Variants in CTBP1 observed in about 807,000 individuals in gnomAD.
CTBP1 encodes the protein C-terminal binding protein 1.
In CTBP1, 11 loss-of-function variants were observed where a neutral mutation model predicts 42.1. The ratio of observed to expected loss-of-function variants is 0.26; its 90% CI spans 0.16 to 0.43. CTBP1 has a LOEUF of 0.43. Ranked by LOEUF, CTBP1 falls within the 20% of genes least tolerant of loss-of-function variation. The pLI, the probability that CTBP1 is intolerant of heterozygous loss-of-function variation, is 1.00. For synonymous variants in CTBP1, 324 were observed against 277.1 expected (o/e 1.17, Z -1.68); for missense variants, 399 against 624.3 (o/e 0.64, Z 3.85).
chr4:1,212,563 G>A lies in CTBP1; in HGVS notation c.1107-140C>T, dbSNP rs972526947. 1.5e-5 allele frequency: 12 copies of A among 774,920 alleles called. No individual in the cohort carries two copies. The African/African-American group carries it at 2.2e-4, about 14-fold the overall frequency. 48.0% of individuals were successfully genotyped at this position (774,920 alleles called of 1,614,324 possible). On this transcript the variant is annotated intron_variant, in intron 9 of 9. Transcript: ENST00000382952. ...GGGTAAGGATCCCGGCCTTTACACG[G>A]ATGTTCCTGCCTATGGCAGCTACTT...
At chr4:1,244,185 G>A (rs956503109) in intron 1 of CTBP1, 8 of 985,020 alleles carry the variant, frequency 8.1e-6, no homozygotes, top group Admixed American at 6.2e-5. Context: ...TCTGCTTGCC[G>A]GATCCTCCCT....
At chr4:1,230,536 G>A (rs1254906293) in intron 3 of CTBP1, among the ~76,000 whole-genome samples, 3 of 152,192 alleles carry the variant, frequency 2.0e-5, no homozygotes, top group Admixed American at 1.3e-4. Flanking sequence ...AGCCCGGGGG[G>A]CTGGCCTGGG....
intron 5 of CTBP1, among the ~76,000 whole-genome samples, chr4:1,219,303 GACCGC>G (rs1313691068): frequency 6.6e-6 from 1 of 152,214 alleles, no homozygotes; most frequent in Non-Finnish European, 1.5e-5. Flanking sequence ...AGTGAGCCGT[GACCGC>G]ACCACCACAC....
chr4:1,242,457 G>A, intron 1 of CTBP1: 3 of 985,114 alleles, frequency 3.0e-6, no homozygotes, highest in South Asian at 9.4e-5. Flanking sequence ...CCAAGCCTAA[G>A]ACCCTGGTAG....
At position 1,233,884 on chromosome 4, in the gene CTBP1, C is replaced by T. The variant is rs113692034; in HGVS notation, c.162+4299G>A. Among the ~76,000 whole-genome samples, 76 of 152,346 alleles carry T rather than the reference C, an allele frequency of 5.0e-4. No homozygotes were observed. The highest frequency in any genetic ancestry group is 1.7e-3 in the African/African-American group (72 of 41,580). On this transcript the variant is annotated intron_variant, in intron 3 of 9. Coordinates refer to ENST00000382952, the MANE Select transcript of CTBP1 (RefSeq NM_001012614.2). This position sits in a 1 kb window ranked among gnomAD's most constrained non-coding sequence, Gnocchi z 4.6. The stretch of plus-strand genomic sequence containing the variant: ...ACACAAAGCAGGTGTTCAGTTTCCT[C>T]CCACGCCAAAGCCTGGAGACAGGGA...
At position 1,221,822 on chromosome 4, in the gene CTBP1, A is replaced by T. The variant is rs1487501286; in HGVS notation, c.514+3538T>A. ...TGGGTTCATGGGGTGAATGTGTACAATGTTTTCCTGTGTGCACCTAAGACA... is the reference window on the plus strand; with the variant it reads ...TGGGTTCATGGGGTGAATGTGTACATTGTTTTCCTGTGTGCACCTAAGACA... On this transcript the variant is annotated intron_variant, in intron 5 of 9. Transcript: ENST00000382952. 3 of 447,902 alleles carry T rather than the reference A, an allele frequency of 6.7e-6. No homozygotes were observed. In the East Asian group the frequency reaches 2.2e-4, roughly 34 times the overall value. The allele number at this position is 447,902 out of a possible 1,614,324, so 27.7% of individuals were successfully genotyped here. A position where few individuals can be genotyped will look rare whatever the true frequency, so the allele number is the denominator to read the frequency against.
intron 5 of CTBP1, among the ~76,000 whole-genome samples, chr4:1,224,566 G>A (rs561048945): frequency 1.3e-5 from 2 of 151,692 alleles, no homozygotes; most frequent in Non-Finnish European, 2.9e-5. Context: ...CGTGTGTGCT[G>A]TGACATCCGT....
intron 3 of CTBP1, among the ~76,000 whole-genome samples, chr4:1,229,550 C>T (rs376920314): frequency 2.6e-5 from 4 of 152,182 alleles, no homozygotes; most frequent in African/African-American, 7.2e-5. Flanking sequence ...CAGAGGTTGC[C>T]GGGGCCTAGG....
chr4:1,243,487 C>G (rs1284642259), intron 1 of CTBP1: 5 of 985,284 alleles, frequency 5.1e-6, no homozygotes, highest in Non-Finnish European at 6.0e-6. Flanking sequence ...AGGCCCAGCA[C>G]CTGGTTCTCC....
intron 1 of CTBP1, among the ~76,000 whole-genome samples, chr4:1,246,927 G>C (rs958190661): frequency 2.6e-5 from 4 of 152,232 alleles, no homozygotes; most frequent in Non-Finnish European, 5.9e-5. Flanking sequence ...CCCAGCCCTT[G>C]GGGGAGGCAG....
At chr4:1,223,531 G>T (rs1472737522) in intron 5 of CTBP1, 5 of 455,580 alleles carry the variant, frequency 1.1e-5, no homozygotes, top group Non-Finnish European at 2.2e-5. Context: ...TTGGGAAGCG[G>T]GGGGCCGGCC....
chr4:1,222,782 C>CAT (rs3065739), intron 5 of CTBP1, among the ~76,000 whole-genome samples: 64,170 of 151,890 alleles, frequency 0.42, 13,762 homozygotes, highest in South Asian at 0.52. Context: ...CCTCAGGCCT[C>CAT]AGAGTGGCCA....
At chr4:1,216,239 C>T (rs1393430100) in intron 5 of CTBP1, 34 bp from the exon 6 acceptor site, 4 of 1,585,844 alleles carry the variant, frequency 2.5e-6, no homozygotes, top group East Asian at 2.3e-5. Flanking sequence ...GAGACCCTTG[C>T]TCACCCGTGG....
intron 3 of CTBP1, among the ~76,000 whole-genome samples, chr4:1,230,399 G>C (rs1189166923): frequency 1.3e-5 from 2 of 152,230 alleles, no homozygotes; most frequent in South Asian, 2.1e-4. Flanking sequence ...AGCTAAGAGA[G>C]AGTCACCTGC....
At chr4:1,229,683 G>A (rs1171798419) in intron 3 of CTBP1, among the ~76,000 whole-genome samples, 1 of 152,224 alleles carries the variant, frequency 6.6e-6, no homozygotes, top group Admixed American at 6.5e-5. Flanking sequence ...GGGCAGAGCA[G>A]CTGGTGTTGG....
chr4:1,245,075 C>T (rs1056342874), intron 1 of CTBP1: 16 of 983,980 alleles, frequency 1.6e-5, no homozygotes, highest in East Asian at 2.3e-4. Context: ...AGACAAGGCC[C>T]GTCACCCACA....
At chr4:1,222,945 C>T (rs572646220) in intron 5 of CTBP1, among the ~76,000 whole-genome samples, 1 of 151,608 alleles carries the variant, frequency 6.6e-6, no homozygotes, top group African/African-American at 2.4e-5. Flanking sequence ...ACCCCCCCCA[C>T]ATCCCACAGT....
chr4:1,219,851 G>A (rs1298413630), intron 5 of CTBP1, among the ~76,000 whole-genome samples: 1 of 152,220 alleles, frequency 6.6e-6, no homozygotes, highest in African/African-American at 2.4e-5. Context: ...TTAGAACGCT[G>A]TGGGATATGA....
rs1223017905 is a variant in CTBP1, at chr4:1,248,982, C to A, written c.-255G>T. The A allele has an allele frequency of 2.0e-6, 2 of 982,284 alleles. No individual in the cohort carries two copies. Among genetic ancestry groups the A allele is most frequent in the East Asian group, 1.2e-4 (1 of 8,668 alleles). The allele number at this position is 982,284 out of a possible 1,614,324, so 60.8% of individuals were successfully genotyped here. On this transcript the variant is annotated 5_prime_UTR_variant, in exon 1 of 10. Transcript: ENST00000382952. The stretch of plus-strand genomic sequence containing the variant: ...GAGAGGCGCGAGCGGCCGCGGGCCC[C>A]GACCACTCCGGCGCGCTGCGCCGCC...
Sources: gnomAD v4.1 joint callset for allele counts (sites outside exome capture counted in the v4.1 genomes callset) on GRCh38, gnomAD v4.1.1 for gene constraint, Gnocchi (gnomAD v3.1) non-coding constraint, MANE v1.5 for transcripts, NCBI Gene and HGNC (gene_info 2026-07-23, HGNC 2026-07-21) for gene names.